LDLRAD4: variants seen among roughly 807,000 people sequenced by gnomAD.
The protein encoded by LDLRAD4 is low-density lipoprotein receptor class A domain-containing protein 4.
Under a neutral mutation model 17.0 loss-of-function variants are expected in LDLRAD4, and 5 were observed. That is an observed-to-expected ratio of 0.29 (90% CI 0.15 to 0.62). The LOEUF is 0.62. LDLRAD4 is among the 20% of genes least tolerant of loss of function. The probability of loss-of-function intolerance (pLI) is 0.84; values close to 1 mark genes in which losing one functional copy is unlikely to be tolerated. For missense variants in LDLRAD4, 340 were observed against 424.7 expected (o/e 0.80, Z 1.75); for synonymous variants, 168 against 171.8 (o/e 0.98, Z 0.17).
upstream of LDLRAD4, among the ~76,000 whole-genome samples, chr18:13,276,097 C>T (rs1386613123): frequency 6.6e-6 from 1 of 152,152 alleles, no homozygotes; most frequent in East Asian, 1.9e-4. Flanking sequence ...CAACCTCAGC[C>T]TCTTGGGTTC....
At chr18:13,564,580 TA>T (rs367805996) in intron 3 of LDLRAD4, among the ~76,000 whole-genome samples, 18,084 of 82,436 alleles carry the variant, frequency 0.22, 1,449 homozygotes, top group East Asian at 0.39. Context: ...TCCCATTTTC[TA>T]AAAAAAAAAA....
At position 13,645,689 on chromosome 18, in the gene LDLRAD4, G is replaced by A. The variant is rs2042987548; in HGVS notation, c.*32G>A. 2 of 1,484,832 alleles carry A rather than the reference G, an allele frequency of 1.3e-6. No homozygotes were observed. Among genetic ancestry groups the A allele is most frequent in the Non-Finnish European group, 1.8e-6 (2 of 1,115,990 alleles). 92.0% of individuals were successfully genotyped at this position (1,484,832 alleles called of 1,614,324 possible). On this transcript the variant is annotated 3_prime_UTR_variant, in exon 6 of 6. Transcript: ENST00000359446. The surrounding 1 kb of genome is among the most constrained non-coding windows in gnomAD (Gnocchi z 5.7). ...CCAACGTGCACTTCAGCTGGAGAAA[G>A]AAACCAAGAAGGGAAGCGGCCGCTG...
At chr18:13,317,178 G>A (rs748024498) in intron 1 of LDLRAD4, among the ~76,000 whole-genome samples, 10 of 152,230 alleles carry the variant, frequency 6.6e-5, no homozygotes, top group African/African-American at 9.6e-5. Context: ...GCTTCTCACA[G>A]TGGTAACAGG....
chr18:13,219,525 C>CCTA (rs1202245615), intron 1 of LDLRAD4, among the ~76,000 whole-genome samples: 6 of 152,130 alleles, frequency 3.9e-5, no homozygotes, highest in Admixed American at 3.9e-4. Flanking sequence ...TTATTGAGGG[C>CCTA]CTACTATGTG....
In LDLRAD4 at chr18:13,250,317, T is replaced by C. The variant is rs188291168; in HGVS notation, c.-466-27788T>C. On this transcript the variant is annotated intron_variant, in intron 1 of 5. Coordinates refer to the LDLRAD4 transcript ENST00000399848. The stretch of plus-strand genomic sequence containing the variant: ...CTATTTTATAATTCCATATGAAACT[T>C]TGGCTTTTTTTTTCCTATTTCTGTG... Among the ~76,000 whole-genome samples, 28 of 152,074 alleles carry C rather than the reference T, an allele frequency of 1.8e-4. 1 individual carries two copies. The East Asian group carries it at 1.9e-3, about 10-fold the overall frequency.
chr18:13,643,409 G>C, exon 5 of LDLRAD4: 2 of 1,284,508 alleles, frequency 1.6e-6, no homozygotes, highest in African/African-American at 3.1e-5. Flanking sequence ...TGGGCGCCTC[G>C]GAGGTAAGGG....
At chr18:13,544,472 G>A (rs1464073633) in intron 3 of LDLRAD4, among the ~76,000 whole-genome samples, 2 of 152,246 alleles carry the variant, frequency 1.3e-5, no homozygotes, top group Non-Finnish European at 2.9e-5. Context: ...GTACAAAGAT[G>A]TGTTTTCAGG....
At chr18:13,251,805 A>G (rs577311249) in intron 1 of LDLRAD4, among the ~76,000 whole-genome samples, 13 of 152,246 alleles carry the variant, frequency 8.5e-5, no homozygotes, top group African/African-American at 1.7e-4. Flanking sequence ...TACAGCTTCA[A>G]TGAAGCCTCT....
intron 3 of LDLRAD4, among the ~76,000 whole-genome samples, chr18:13,516,354 C>T (rs938207077): frequency 3.9e-5 from 6 of 152,248 alleles, no homozygotes; most frequent in South Asian, 4.1e-4. Flanking sequence ...GAGGAGCCCT[C>T]GTGCCTTACA....
intron 3 of LDLRAD4, among the ~76,000 whole-genome samples, chr18:13,570,172 C>T (rs540417066): frequency 6.6e-6 from 1 of 152,276 alleles, no homozygotes; most frequent in South Asian, 2.1e-4. Flanking sequence ...TCACTTGCTC[C>T]CTAACACTTG....
chr18:13,569,302 G>T (rs540293254), intron 3 of LDLRAD4, among the ~76,000 whole-genome samples: 8 of 149,922 alleles, frequency 5.3e-5, no homozygotes, highest in Admixed American at 1.3e-4. Flanking sequence ...TGAACTATTA[G>T]CTCCATACTA....
intron 3 of LDLRAD4, among the ~76,000 whole-genome samples, chr18:13,505,039 G>A (rs2093669078): frequency 2.0e-5 from 3 of 152,190 alleles, no homozygotes; most frequent in Non-Finnish European, 4.4e-5. Context: ...GCCATCCATT[G>A]TCCCCACACC....
chr18:13,303,049 T>C (rs964288915), intron 1 of LDLRAD4, among the ~76,000 whole-genome samples: 19 of 152,230 alleles, frequency 1.2e-4, no homozygotes, highest in Admixed American at 1.2e-3. Context: ...ACAGATTCTT[T>C]AGACTTCTCC....
intron 3 of LDLRAD4, among the ~76,000 whole-genome samples, chr18:13,483,059 T>G (rs2093132270): frequency 6.6e-6 from 1 of 152,156 alleles, no homozygotes; most frequent in African/African-American, 2.4e-5. Context: ...GAGAGAGGCC[T>G]TGGTTCTGAG....
At chr18:13,643,687 C>A (rs1294068832) in intron 5 of LDLRAD4, among the ~76,000 whole-genome samples, 1 of 152,214 alleles carries the variant, frequency 6.6e-6, no homozygotes, top group Non-Finnish European at 1.5e-5. Flanking sequence ...TACTAATGTG[C>A]CTTGGCAAGT....
chr18:13,535,102 C>T (rs548127785), intron 3 of LDLRAD4, among the ~76,000 whole-genome samples: 283 of 152,212 alleles, frequency 1.9e-3, no homozygotes, highest in Non-Finnish European at 3.6e-3. Flanking sequence ...TCATTGTTTC[C>T]AGTTTGGGGC....
At chr18:13,548,283 G>A (rs958172164) in intron 3 of LDLRAD4, among the ~76,000 whole-genome samples, 2 of 115,930 alleles carry the variant, frequency 1.7e-5, no homozygotes, top group Non-Finnish European at 4.1e-5. Context: ...TGGCCAGAAG[G>A]TGGGGTTAGT....
intron 1 of LDLRAD4, among the ~76,000 whole-genome samples, chr18:13,368,423 T>C (rs1599719310): frequency 6.6e-6 from 1 of 152,188 alleles, no homozygotes; most frequent in African/African-American, 2.4e-5. Flanking sequence ...GGATGCCTGC[T>C]TTCTGTGTAG....
chr18:13,219,453 G>A (rs553123096), intron 1 of LDLRAD4, among the ~76,000 whole-genome samples: 13 of 151,632 alleles, frequency 8.6e-5, no homozygotes, highest in Admixed American at 3.9e-4. Context: ...AATTATTTTG[G>A]CATCTTCTCA....
Sources: gnomAD v4.1 joint callset for allele counts (sites outside exome capture counted in the v4.1 genomes callset) on GRCh38, gnomAD v4.1.1 for gene constraint, Gnocchi (gnomAD v3.1) non-coding constraint, MANE v1.5 for transcripts, NCBI Gene and HGNC (gene_info 2026-07-23, HGNC 2026-07-21) for gene names.